TSPAN7: variants seen among roughly 807,000 people sequenced by gnomAD.
TSPAN7 encodes tetraspanin-7.
A neutral mutation model predicts 17.6 loss-of-function variants in TSPAN7; 1 was observed. The observed-to-expected ratio is 0.06, with a 90% CI of 0.02 to 0.27. The LOEUF is 0.27. Among genes scored for constraint, TSPAN7 ranks in the 10% least tolerant of loss-of-function variants. TSPAN7 has a pLI of 1.00. For missense variants in TSPAN7, 112 were observed against 201.7 expected, an observed-to-expected ratio of 0.56 and a Z score of 2.69; for synonymous variants, 78 against 79.0, an observed-to-expected ratio of 0.99 and a Z score of 0.07.
At chrX:38,659,001 TACAC>T (rs71903430) in intron 1 of TSPAN7, among the ~76,000 whole-genome samples, 35,289 of 95,672 alleles carry the variant, frequency 0.37, 5,652 homozygotes, top group East Asian at 0.82. Flanking sequence ...TTATCTTCCA[TACAC>T]ACACACACAC....
At chrX:38,607,510 C>T (rs1241122320) in intron 1 of TSPAN7, among the ~76,000 whole-genome samples, 3 of 111,110 alleles carry the variant, frequency 2.7e-5, no homozygotes, top group African/African-American at 6.6e-5. Context: ...CATGCAGGTA[C>T]CCGGACCCCA....
chrX:38,605,461 A>G (rs1414755413), intron 1 of TSPAN7, among the ~76,000 whole-genome samples: 2 of 111,123 alleles, frequency 1.8e-5, no homozygotes, highest in African/African-American at 6.6e-5. Flanking sequence ...GGAAGAATCA[A>G]TATCGTGAAA....
chrX:38,606,487 G>A (rs1032576172), intron 1 of TSPAN7, among the ~76,000 whole-genome samples: 1 of 111,686 alleles, frequency 9.0e-6, no homozygotes, highest in African/African-American at 3.3e-5. Context: ...GTGCCCAGAC[G>A]AGCCAGAGCT....
rs187497044 is a variant in TSPAN7, at chrX:38,648,544, G to A, written c.82-17577G>A. Among the ~76,000 whole-genome samples, 11 of 112,038 alleles carry A rather than the reference G, an allele frequency of 9.8e-5. No homozygotes were observed. In the East Asian group the frequency reaches 1.4e-3, roughly 14 times the overall value. On this transcript the variant is annotated intron_variant, in intron 1 of 7. Transcript: ENST00000378482. ...GGCTCACTGTAGCCTCAAACTCCTG[G>A]GCTCAAGTGATTCTCCTGCCTCACC...
At chrX:38,683,865 G>C (rs2069908352) in intron 6 of TSPAN7, among the ~76,000 whole-genome samples, 3 of 113,138 alleles carry the variant, frequency 2.7e-5, no homozygotes, top group African/African-American at 9.6e-5. Context: ...AGAAATTTTA[G>C]AGCCAATGTC....
At position 38,621,539 on chromosome X, in the gene TSPAN7, G is replaced by A. The variant is rs1355458778; in HGVS notation, c.82-44582G>A. 6.3e-5 allele frequency among the ~76,000 whole-genome samples: 7 copies of A among 111,728 alleles called. No homozygotes were observed. In the Admixed American group the frequency reaches 6.6e-4, roughly 11 times the overall value. The stretch of plus-strand genomic sequence containing the variant: ...CAAAGAGTAAACTAGTAAAATGTAA[G>A]GCTGTAAGGAAAGGGGTAGAAGATC... On this transcript the variant is annotated intron_variant, in intron 1 of 7. Coordinates refer to ENST00000378482, the MANE Select transcript of TSPAN7 (RefSeq NM_004615.4).
intron 1 of TSPAN7, among the ~76,000 whole-genome samples, chrX:38,572,061 A>G (rs917702706): frequency 1.8e-4 from 16 of 91,323 alleles, no homozygotes; most frequent in Non-Finnish European, 3.9e-5. Flanking sequence ...TGGTTTGTCA[A>G]AGACAAACCT....
At chrX:38,673,210 A>T (rs907670629) in intron 3 of TSPAN7, among the ~76,000 whole-genome samples, 3 of 111,284 alleles carry the variant, frequency 2.7e-5, no homozygotes, top group Non-Finnish European at 5.7e-5. Flanking sequence ...TGTCCTCCCA[A>T]TCTGGAGGCA....
intron 4 of TSPAN7, 122 bp downstream of exon 4, chrX:38,674,438 T>A: frequency 3.2e-6 from 2 of 624,470 alleles, no homozygotes; most frequent in South Asian, 4.8e-5. Flanking sequence ...TTAGTCCAGT[T>A]CCATTGCCAA....
chrX:38,660,441 C>T (rs760794490), intron 1 of TSPAN7, among the ~76,000 whole-genome samples: 102 of 111,869 alleles, frequency 9.1e-4, no homozygotes, highest in Non-Finnish European at 1.7e-3. Context: ...CCCCTTGGCA[C>T]ACACACTCAC....
chrX:38,674,254 G>T lies in TSPAN7; in HGVS notation c.379G>T (p.Ala127Ser). ...KDTFLRTYTD[A>S]MQTYNGNDER... The stretch of plus-strand genomic sequence containing the variant: ...CACCTTCCTGAGGACTTACACGGAC[G>T]CTATGCAGACTTACAATGGCAATGA... Residue 127 changes from alanine to serine, a missense_variant, in exon 4 of 8, where the codon GCT becomes TCT. By Grantham distance (99) the Ala-to-Ser change is moderately conservative. Transcript: ENST00000378482. The T allele has an allele frequency of 8.3e-7, 1 of 1,200,873 alleles. No homozygotes were observed. The highest frequency in any genetic ancestry group is 1.1e-6 in the Non-Finnish European group (1 of 889,705).
chrX:38,615,300 G>A (rs2069449141), intron 1 of TSPAN7, among the ~76,000 whole-genome samples: 1 of 111,565 alleles, frequency 9.0e-6, no homozygotes, highest in East Asian at 2.8e-4. Context: ...CTATAAGAAT[G>A]TAATATAAAA....
At chrX:38,612,331 G>A (rs2069423962) in intron 1 of TSPAN7, 1 of 111,913 alleles carries the variant, frequency 8.9e-6, no homozygotes, top group South Asian at 3.8e-4. Flanking sequence ...TGAAATGAGA[G>A]TCCTTTGCTG....
intron 4 of TSPAN7, among the ~76,000 whole-genome samples, chrX:38,674,732 T>C (rs2069842257): frequency 9.0e-6 from 1 of 110,586 alleles, no homozygotes; most frequent in Non-Finnish European, 1.9e-5. Context: ...GGAGTGGGCA[T>C]AGAGTGGACC....
rs1056154686 is a variant in TSPAN7, at chrX:38,673,156, A to G, written c.346-1065A>G. 4.5e-5 allele frequency among the ~76,000 whole-genome samples: 5 copies of G among 111,299 alleles called. No individual in the cohort carries two copies. The South Asian group carries it at 1.5e-3, about 34-fold the overall frequency. The stretch of plus-strand genomic sequence containing the variant: ...AATATGCCTAGTTAGGAGAGTCACC[A>G]TACTTAGCCCTAAGCTTCCCACCAA... On this transcript the variant is annotated intron_variant, in intron 3 of 7. Transcript: ENST00000378482.
chrX:38,678,463 C>A (rs1453464446), intron 5 of TSPAN7, among the ~76,000 whole-genome samples: 1 of 111,587 alleles, frequency 9.0e-6, no homozygotes, highest in Non-Finnish European at 1.9e-5. Flanking sequence ...TCACACCTGA[C>A]AACCGACTTT....
chrX:38,568,612 A>G (rs775205833), intron 1 of TSPAN7, among the ~76,000 whole-genome samples: 5 of 110,888 alleles, frequency 4.5e-5, no homozygotes, highest in Non-Finnish European at 7.6e-5. Context: ...TTTCACAACA[A>G]TATGCTCTGG....
At position 38,582,072 on chromosome X, in the gene TSPAN7, G is replaced by T. The variant is rs987097943; in HGVS notation, c.81+20445G>T. ...GATCTTGCCTCCTCTACCTGAACCT[G>T]CTTTCAGAAAATAATTTGACCAGTC... On this transcript the variant is annotated intron_variant, in intron 1 of 7. Coordinates refer to ENST00000378482, the MANE Select transcript of TSPAN7 (RefSeq NM_004615.4). Among the ~76,000 whole-genome samples, 5 of 112,355 alleles carry T rather than the reference G, an allele frequency of 4.5e-5. 1 individual carries two copies. The highest frequency in any genetic ancestry group is 1.6e-4 in the African/African-American group (5 of 30,938).
intron 4 of TSPAN7, 72 bp downstream of exon 4, chrX:38,674,388 G>A (rs992371106): frequency 1.5e-4 from 142 of 942,338 alleles, no homozygotes; most frequent in Middle Eastern, 6.5e-4. Flanking sequence ...CTGCCTGTAG[G>A]TTGGCCCAGT....
Sources: gnomAD v4.1 joint callset for allele counts (sites outside exome capture counted in the v4.1 genomes callset) on GRCh38, gnomAD v4.1.1 for gene constraint, MANE v1.5 for transcripts, NCBI Gene and HGNC (gene_info 2026-07-23, HGNC 2026-07-21) for gene names.